LECT2: variants seen among roughly 807,000 people sequenced by gnomAD.
The protein encoded by LECT2 is leukocyte cell-derived chemotaxin-2.
A neutral mutation model predicts 16.6 loss-of-function variants in LECT2; 11 were observed. The ratio of observed to expected loss-of-function variants is 0.66; its 90% confidence interval spans 0.42 to 1.09. The LOEUF is 1.09. Ranked by LOEUF, LECT2 falls within the 50% of genes least tolerant of loss-of-function variation. LECT2 has a pLI of 0.00. For synonymous variants in LECT2, 54 were observed against 64.8 expected, an observed-to-expected ratio of 0.83 and a Z score of 0.80; for missense variants, 173 against 184.2, an observed-to-expected ratio of 0.94 and a Z score of 0.35.
At chr5:135,947,581 TAAAAA>T (rs538413153) in intron 3 of LECT2, 84 bp from the exon 4 acceptor site, 3 of 1,334,840 alleles carry the variant, frequency 2.2e-6, no homozygotes, top group South Asian at 1.9e-5. Flanking sequence ...GGACAAAAAA[TAAAAA>T]AAAGAATGTT....
intron 2 of LECT2, chr5:135,951,669 A>G: frequency 3.6e-6 from 1 of 276,562 alleles, no homozygotes; most frequent in South Asian, 1.6e-4. Flanking sequence ...GAGGCAGTCC[A>G]TGTAAGTGCA....
In LECT2 at chr5:135,954,849, T is replaced by G. The variant is rs552468615; in HGVS notation, c.-16A>C. ...TGGAAAACATCTGGTTTTACTTCCT[T>G]TAGTTTCTTCCTCTGATTAGAGTTG... On this transcript the variant is annotated 5_prime_UTR_variant, in exon 1 of 4. Transcript: ENST00000274507. 13 of 1,605,682 alleles carry G rather than the reference T, an allele frequency of 8.1e-6. No individual in the cohort carries two copies. The East Asian group carries it at 1.1e-4, about 14-fold the overall frequency.
rs145630645 is a variant in LECT2, at chr5:135,951,307, G to C, written c.205C>G (p.Pro69Ala). The part of the protein sequence containing the change: ...LCSAGSTVYA[P>A]FTGMIVGQEK... ...TGGCCCACAATCATTCCAGTGAATG[G>C]TGCGTACACAGTAGATCCAGCAGAG... is the stretch of plus-strand genomic sequence containing the variant. Residue 69 changes from proline to alanine, a missense_variant, in exon 3 of 4, where the codon CCA (proline) becomes GCA (alanine). Pro to Ala is a conservative substitution (Grantham distance 27). Coordinates refer to ENST00000274507, the MANE Select transcript of LECT2 (RefSeq NM_002302.3). The C allele has an allele frequency of 1.6e-4, 260 of 1,613,628 alleles. No homozygotes were observed. Among genetic ancestry groups the C allele is most frequent in the Admixed American group, 5.7e-4 (34 of 59,998 alleles).
In LECT2 at chr5:135,946,908, C is replaced by T. The variant is rs116485742; in HGVS notation, c.*423G>A. 4.0e-5 allele frequency: 6 copies of T among 151,822 alleles called. No homozygotes were observed. The highest frequency in any genetic ancestry group is 2.1e-4 in the South Asian group (1 of 4,856). The allele number at this position is 151,822 out of a possible 1,614,324, so 9.4% of individuals were successfully genotyped here. On this transcript the variant is annotated 3_prime_UTR_variant, in exon 4 of 4. Coordinates refer to ENST00000274507, the MANE Select transcript of LECT2 (RefSeq NM_002302.3). ...GTGTCAAAAATGCAGCCTGGCCCAG[C>T]GTAAGTTCTCTTGTTTATTTATCTT...
chr5:135,948,697 CGGA>C (rs1333511045), intron 3 of LECT2, among the ~76,000 whole-genome samples: 3 of 138,266 alleles, frequency 2.2e-5, no homozygotes, highest in Non-Finnish European at 4.7e-5. Flanking sequence ...TTTTTTGAGA[CGGA>C]GTCTTGCTGT....
intron 3 of LECT2, among the ~76,000 whole-genome samples, chr5:135,950,607 CAACAA>C (rs140084398): frequency 0.04 from 6,157 of 152,234 alleles, 255 homozygotes; most frequent in African/African-American, 0.11. Flanking sequence ...AGTAACCAAA[CAACAA>C]AACCAATACC....
rs10075574 is a variant in LECT2, at chr5:135,947,085, A to G, written c.*246T>C. On this transcript the variant is annotated 3_prime_UTR_variant, in exon 4 of 4. Transcript: ENST00000274507. Reference sequence around the variant, plus strand: ...TCTTTCTTGCATTTATCATGTTTCTATTTAAACTCAAATTTCCTTTTTTTA... The same window carrying G: ...TCTTTCTTGCATTTATCATGTTTCTGTTTAAACTCAAATTTCCTTTTTTTA... The G allele has an allele frequency of 8.7e-3, 2,725 of 311,610 alleles. 63 individuals carry two copies. Among genetic ancestry groups the G allele is most frequent in the African/African-American group, 0.053 (2,511 of 47,050 alleles). The allele number at this position is 311,610 out of a possible 1,614,324, so 19.3% of individuals were successfully genotyped here.
chr5:135,950,399 A>G (rs915346134), intron 3 of LECT2, among the ~76,000 whole-genome samples: 2 of 152,234 alleles, frequency 1.3e-5, no homozygotes, highest in African/African-American at 4.8e-5. Context: ...GAACTAATAC[A>G]TGGTGTTAGA....
chr5:135,951,169 A>G (rs780006391), intron 3 of LECT2, 54 bp downstream of exon 3: 4 of 1,531,516 alleles, frequency 2.6e-6, no homozygotes, highest in Admixed American at 1.7e-5. Flanking sequence ...CATTAAATAA[A>G]TGAGCATCAA....
chr5:135,947,301 A>G lies in LECT2; in HGVS notation c.*30T>C. ...ATCCAGGTTTTTAAGATGACTTTTT[A>G]TTTTGAAGATCTGACCATTGGCCTT... On this transcript the variant is annotated 3_prime_UTR_variant, in exon 4 of 4. Transcript: ENST00000274507. The G allele has an allele frequency of 6.3e-7, 1 of 1,597,396 alleles. No individual in the cohort carries two copies. The highest frequency in any genetic ancestry group is 8.6e-7 in the Non-Finnish European group (1 of 1,169,418).
chr5:135,951,000 A>G (rs758690577), intron 3 of LECT2: 15 of 559,132 alleles, frequency 2.7e-5, no homozygotes, highest in Non-Finnish European at 4.4e-5. Flanking sequence ...TGTCTGTGAC[A>G]TGTGGTTTAC....
chr5:135,949,130 A>G (rs1324914694), intron 3 of LECT2, among the ~76,000 whole-genome samples: 2 of 152,240 alleles, frequency 1.3e-5, no homozygotes, highest in Non-Finnish European at 2.9e-5. Context: ...CCATTAATAT[A>G]ACAGTGAAGG....
chr5:135,950,040 A>G (rs547138040), intron 3 of LECT2, among the ~76,000 whole-genome samples: 1 of 152,314 alleles, frequency 6.6e-6, no homozygotes, highest in South Asian at 2.1e-4. Flanking sequence ...GACAACCACT[A>G]TGTAGCTCCT....
At chr5:135,949,013 C>A (rs1030737206) in intron 3 of LECT2, among the ~76,000 whole-genome samples, 21 of 152,124 alleles carry the variant, frequency 1.4e-4, no homozygotes, top group Admixed American at 1.4e-3. Context: ...TGTTATATTT[C>A]TATTGGATAG....
chr5:135,948,329 A>G (rs146856191), intron 3 of LECT2, among the ~76,000 whole-genome samples: 81 of 152,336 alleles, frequency 5.3e-4, no homozygotes, highest in South Asian at 1.0e-3. Context: ...ATAGATAGAA[A>G]CCCACCAATA....
intron 2 of LECT2, among the ~76,000 whole-genome samples, chr5:135,952,553 T>C (rs1175878792): frequency 6.6e-6 from 1 of 152,204 alleles, no homozygotes; most frequent in Admixed American, 6.5e-5. Context: ...TTCTCTTCTA[T>C]AAAATGGGAT....
Position 135,947,294 on chromosome 5 carries a change from A to T in LECT2, c.*37T>A. ...GGTATGCATCCAGGTTTTTAAGATG[A>T]CTTTTTATTTTGAAGATCTGACCAT... On this transcript the variant is annotated 3_prime_UTR_variant, in exon 4 of 4. Coordinates refer to ENST00000274507, the MANE Select transcript of LECT2 (RefSeq NM_002302.3). 1.9e-6 allele frequency: 3 copies of T among 1,592,028 alleles called. No individual in the cohort carries two copies. The highest frequency in any genetic ancestry group is 2.6e-6 in the Non-Finnish European group (3 of 1,165,188).
rs548869580 is a variant in LECT2, at chr5:135,947,214, G to T, written c.*117C>A. 56 of 874,388 alleles carry T rather than the reference G, an allele frequency of 6.4e-5. No individual in the cohort carries two copies. The South Asian group carries it at 8.5e-4, about 13-fold the overall frequency. 54.2% of individuals were successfully genotyped at this position (874,388 alleles called of 1,614,324 possible). On this transcript the variant is annotated 3_prime_UTR_variant, in exon 4 of 4. Transcript: ENST00000274507. ...TAATAATCATGTCATGGAAAATGGG[G>T]TATCCATCCCTTCATGCATTTTTCC...
Position 135,954,798 on chromosome 5 carries a change from C to G in LECT2, c.36G>C (p.Leu12=). 4 of 1,613,212 alleles carry G rather than the reference C, an allele frequency of 2.5e-6. No homozygotes were observed. Among genetic ancestry groups the G allele is most frequent in the South Asian group, 1.1e-5 (1 of 91,030 alleles). Residue 12 remains leucine, a synonymous_variant, in exon 1 of 4, where the codon CTG becomes CTC. Transcript: ENST00000274507. ...FSTKALLLAG[L]ISTALAGPWA... Reference sequence around the variant, plus strand: ...GCACTTTCGACTTACCGGTAGAAATCAGACCAGCCAAAAGGAGGGCTTTGG... The same window carrying G: ...GCACTTTCGACTTACCGGTAGAAATGAGACCAGCCAAAAGGAGGGCTTTGG...
Sources: allele counts gnomAD v4.1 joint callset (sites outside exome capture counted in the v4.1 genomes callset), GRCh38; gene constraint gnomAD v4.1.1; transcripts MANE v1.5; gene names NCBI Gene and HGNC (gene_info 2026-07-23, HGNC 2026-07-21).